RBFOX3: variants seen among roughly 807,000 people sequenced by gnomAD.
The protein encoded by RBFOX3 is RNA binding fox-1 homolog 3, also known as RNA binding protein fox-1 homolog 3.
RBFOX3 carries 17 observed loss-of-function variants against 48.7 expected under a neutral mutation model. The observed-to-expected ratio is 0.35, with a 90% CI of 0.24 to 0.52. RBFOX3 has a LOEUF of 0.52. Ranked by LOEUF, RBFOX3 falls within the 20% of genes least tolerant of loss-of-function variation. The pLI, the probability that RBFOX3 is intolerant of heterozygous loss-of-function variation, is 0.94. For missense variants in RBFOX3, 382 were observed against 497.5 expected, an observed-to-expected ratio of 0.77 and a Z score of 2.21; for synonymous variants, 212 against 209.5, an observed-to-expected ratio of 1.01 and a Z score of -0.10.
chr17:79,173,264 C>T (rs1210815017), intron 4 of RBFOX3, among the ~76,000 whole-genome samples: 2 of 130,994 alleles, frequency 1.5e-5, no homozygotes, highest in African/African-American at 3.4e-5. Flanking sequence ...AAAATGTAAA[C>T]TTCCCTGTGA....
chr17:79,653,763 G>GTT, the RBFOX3 span, among the ~76,000 whole-genome samples: 7 of 1,152 alleles, frequency 6.1e-3, no homozygotes, highest in African/African-American at 0.01. Flanking sequence ...TGCATGTCGT[G>GTT]GTTTTTTTTT....
intron 1 of RBFOX3, among the ~76,000 whole-genome samples, chr17:79,528,456 G>T (rs1269843577): frequency 6.6e-6 from 1 of 151,820 alleles, no homozygotes; most frequent in East Asian, 1.9e-4. Flanking sequence ...AACCTCTGAG[G>T]TGTCTCTGAG....
chr17:79,524,755 G>A (rs1474527263), intron 1 of RBFOX3, among the ~76,000 whole-genome samples: 3 of 152,198 alleles, frequency 2.0e-5, no homozygotes, highest in African/African-American at 7.2e-5. Context: ...CAGCAGGTTT[G>A]TAAATGGAGC....
intron 1 of RBFOX3, chr17:79,598,242 CA>C (rs2093615774): frequency 6.6e-6 from 1 of 152,328 alleles, no homozygotes; most frequent in Non-Finnish European, 1.5e-5. Flanking sequence ...GTGGCCAGTA[CA>C]AAAGAGCACT....
intron 3 of RBFOX3, among the ~76,000 whole-genome samples, chr17:79,275,451 G>T (rs949691419): frequency 1.3e-5 from 2 of 151,446 alleles, no homozygotes; most frequent in Admixed American, 1.3e-4. Flanking sequence ...GGGACTAATG[G>T]TCCCCCCCCA....
At chr17:79,202,188 A>T (rs2056857506) in intron 4 of RBFOX3, among the ~76,000 whole-genome samples, 1 of 151,994 alleles carries the variant, frequency 6.6e-6, no homozygotes, top group Admixed American at 6.5e-5. Context: ...GTGTGGTGTG[A>T]TCCCTGCATC....
chr17:79,556,964 C>T (rs1449456449), intron 1 of RBFOX3, among the ~76,000 whole-genome samples: 1 of 152,160 alleles, frequency 6.6e-6, no homozygotes, highest in Admixed American at 6.5e-5. Context: ...ACTGACAAGG[C>T]TAGTCATGGT....
intron 1 of RBFOX3, among the ~76,000 whole-genome samples, chr17:79,505,471 A>G (rs1598973031): frequency 6.6e-6 from 1 of 151,948 alleles, no homozygotes; most frequent in Admixed American, 6.6e-5. Flanking sequence ...CCCGCAGCAG[A>G]CCCTGGGCTG....
At chr17:79,124,229 T>C (rs1306396834) in intron 4 of RBFOX3, among the ~76,000 whole-genome samples, 2 of 152,090 alleles carry the variant, frequency 1.3e-5, no homozygotes, top group African/African-American at 2.4e-5. Flanking sequence ...AAGGGCTGGA[T>C]TGGGATTTGT....
Position 79,150,063 on chromosome 17 carries a change from A to AGGGAGGGGGGTGG in RBFOX3, c.-33-34316_-33-34315insCCACCCCCCTCCC, listed in dbSNP as rs2044063914. On this transcript the variant is annotated intron_variant, in intron 4 of 14. Coordinates refer to ENST00000693108, the MANE Select transcript of RBFOX3 (RefSeq NM_001350451.2). ...GGGTGGGGGATGGGGATGGGGGTTG[A>AGGGAGGGGGGTGG]GGGTGGGGGTTTGGGGTGGATCTAG... Among the ~76,000 whole-genome samples, 2 of 12,022 alleles carry AGGGAGGGGGGTGG rather than the reference A, an allele frequency of 1.7e-4. 1 individual carries two copies. Among genetic ancestry groups the AGGGAGGGGGGTGG allele is most frequent in the African/African-American group, 8.8e-4 (2 of 2,260 alleles). The allele number at this position is 12,022 out of a possible 152,430, so 7.9% of individuals were successfully genotyped here. A position where few individuals can be genotyped will look rare whatever the true frequency, so the allele number is the denominator to read the frequency against.
At chr17:79,461,562 G>A (rs1018791162) in intron 2 of RBFOX3, among the ~76,000 whole-genome samples, 6 of 152,216 alleles carry the variant, frequency 3.9e-5, no homozygotes, top group Non-Finnish European at 7.3e-5. Context: ...GCCCTGCTGA[G>A]CACAGGGTCT....
At chr17:79,297,170 G>A (rs1363882763) in intron 3 of RBFOX3, among the ~76,000 whole-genome samples, 1 of 152,068 alleles carries the variant, frequency 6.6e-6, no homozygotes, top group Non-Finnish European at 1.5e-5. Flanking sequence ...GCCATGAGTT[G>A]GGGACTGGGG....
intron 12 of RBFOX3, among the ~76,000 whole-genome samples, chr17:79,095,865 T>G (rs2075130292): frequency 6.6e-6 from 1 of 152,240 alleles, no homozygotes; most frequent in Admixed American, 6.5e-5. Context: ...CACATCCATC[T>G]GTGCACTCCA....
rs1207253954 is a variant in RBFOX3, at chr17:79,364,852, G to A, written c.-174-57028C>T. Reference sequence around the variant, plus strand: ...AGCCTGGGTTGCTCCCTCAGCTGGAGAGGCTACCTTGTGTGGCCAGAACCA... The same window carrying A: ...AGCCTGGGTTGCTCCCTCAGCTGGAAAGGCTACCTTGTGTGGCCAGAACCA... On this transcript the variant is annotated intron_variant, in intron 2 of 14. Coordinates refer to ENST00000693108, the MANE Select transcript of RBFOX3 (RefSeq NM_001350451.2). The surrounding 1 kb of genome is among the most constrained non-coding windows in gnomAD (Gnocchi z 5.1). Among the ~76,000 whole-genome samples, 4 of 152,184 alleles carry A rather than the reference G, an allele frequency of 2.6e-5. No individual in the cohort carries two copies. Among genetic ancestry groups the A allele is most frequent in the Admixed American group, 2.6e-4 (4 of 15,290 alleles).
chr17:79,377,888 G>C (rs1472323381), intron 2 of RBFOX3, among the ~76,000 whole-genome samples: 1 of 152,212 alleles, frequency 6.6e-6, no homozygotes, highest in Admixed American at 6.5e-5. Flanking sequence ...GCACTCTAGA[G>C]AGGGGGCAGG....
At chr17:79,225,572 T>C (rs1245463822) in intron 4 of RBFOX3, among the ~76,000 whole-genome samples, 1 of 152,222 alleles carries the variant, frequency 6.6e-6, no homozygotes, top group Non-Finnish European at 1.5e-5. Context: ...ATTAAAGGCA[T>C]GAGCCATGTG....
At chr17:79,302,753 T>TA (rs2145396870) in intron 3 of RBFOX3, among the ~76,000 whole-genome samples, 1 of 152,372 alleles carries the variant, frequency 6.6e-6, no homozygotes, top group Non-Finnish European at 1.5e-5. Context: ...GAACTTGGCT[T>TA]GTTTTGCAAA....
At chr17:79,365,127 G>A (rs989442638) in intron 2 of RBFOX3, among the ~76,000 whole-genome samples, 10 of 150,754 alleles carry the variant, frequency 6.6e-5, no homozygotes, top group African/African-American at 9.8e-5. Context: ...CTGGATGTGC[G>A]CACACACACA....
chr17:79,412,373 T>A (rs975698393), intron 2 of RBFOX3, among the ~76,000 whole-genome samples: 1 of 151,878 alleles, frequency 6.6e-6, no homozygotes, highest in African/African-American at 2.4e-5. Flanking sequence ...TATGCACATG[T>A]GTGTATGTGT....
Sources: allele counts gnomAD v4.1 joint callset (sites outside exome capture counted in the v4.1 genomes callset), GRCh38; gene constraint gnomAD v4.1.1; non-coding constraint Gnocchi (gnomAD v3.1); transcripts MANE v1.5; gene names NCBI Gene and HGNC (gene_info 2026-07-23, HGNC 2026-07-21).